P4HA1: variants seen among roughly 807,000 people sequenced by gnomAD.
P4HA1 encodes the protein prolyl 4-hydroxylase subunit alpha 1, also known as prolyl 4-hydroxylase subunit alpha-1.
A neutral mutation model predicts 72.8 loss-of-function variants in P4HA1; 24 were observed. The ratio of observed to expected loss-of-function variants is 0.33; its 90% CI spans 0.24 to 0.46. The LOEUF is 0.46. Ranked by LOEUF, P4HA1 falls within the 20% of genes least tolerant of loss-of-function variation. The pLI is 1.00. For missense variants in P4HA1, 446 were observed against 640.6 expected (o/e 0.70, Z 3.28); for synonymous variants, 201 against 218.8 (o/e 0.92, Z 0.72).
Position 73,008,132 on chromosome 10 carries a change from C to A in P4HA1, c.*90G>T. Reference sequence around the variant, plus strand: ...ACTGAATCAATCATGGAGTGTTAGTCAATTGTAAACTCCTGAAAGTTAAGA... The same window carrying A: ...ACTGAATCAATCATGGAGTGTTAGTAAATTGTAAACTCCTGAAAGTTAAGA... On this transcript the variant is annotated 3_prime_UTR_variant, in exon 15 of 15. Transcript: ENST00000394890. The A allele has an allele frequency of 2.7e-6, 2 of 745,560 alleles. No homozygotes were observed. Among genetic ancestry groups the A allele is most frequent in the East Asian group, 2.5e-5 (1 of 40,088 alleles). 46.2% of individuals were successfully genotyped at this position (745,560 alleles called of 1,614,324 possible). A position where few individuals can be genotyped will look rare whatever the true frequency, so the allele number is the denominator to read the frequency against.
intron 9 of P4HA1, among the ~76,000 whole-genome samples, chr10:73,040,765 C>A (rs1427812860): frequency 6.6e-6 from 1 of 152,114 alleles, no homozygotes; most frequent in Admixed American, 6.5e-5. Context: ...AGCCACCACT[C>A]CTGGCCGTAA....
chr10:73,009,704 A>G lies in P4HA1; in HGVS notation c.1534+103T>C, dbSNP rs190936458. The G allele has an allele frequency of 8.0e-4, 497 of 624,530 alleles. No individual in the cohort carries two copies. In the African/African-American group the frequency reaches 8.1e-3, roughly 10 times the overall value. 38.7% of individuals were successfully genotyped at this position (624,530 alleles called of 1,614,324 possible). ...CTGAATCCTGTACAATGTTAAAATC[A>G]TATTAAGCAAACATGGGGGCTTTTG... On this transcript the variant is annotated intron_variant, in intron 14 of 14. Transcript: ENST00000394890.
Position 73,010,952 on chromosome 10 carries a change from AAAAC to A in P4HA1, c.1437+13_1437+16del. 1 of 1,605,282 alleles carries A rather than the reference AAAAC, an allele frequency of 6.2e-7. No individual in the cohort carries two copies. Among genetic ancestry groups the A allele is most frequent in the South Asian group, 1.1e-5 (1 of 90,614 alleles). ...GGGAAAAAATTAATAAACCAAAAAC[AAAAC>A]AAACAGGCTTACTTTTTTGGGCCAA... On this transcript the variant is annotated intron_variant, in intron 13 of 14. Coordinates refer to ENST00000394890, the MANE Select transcript of P4HA1 (RefSeq NM_001017962.3).
At chr10:73,011,265 C>T (rs1839904503) in intron 12 of P4HA1, among the ~76,000 whole-genome samples, 1 of 152,118 alleles carries the variant, frequency 6.6e-6, no homozygotes, top group East Asian at 1.9e-4. Flanking sequence ...AAAAAACTAT[C>T]AGGATGGAAG....
intron 13 of P4HA1, among the ~76,000 whole-genome samples, chr10:73,010,157 G>A (rs759804965): frequency 3.2e-4 from 48 of 151,872 alleles, no homozygotes; most frequent in African/African-American, 1.1e-3. Flanking sequence ...TAGTAGAGAC[G>A]GGCTTTCACC....
rs943574921 is a variant in P4HA1 at position 73,043,847 on chromosome 10, G to T, written c.1148+1134C>A. 6 of 1,390,242 alleles carry T rather than the reference G, an allele frequency of 4.3e-6. No homozygotes were observed. The South Asian group carries it at 4.7e-5, about 11-fold the overall frequency. 86.1% of individuals were successfully genotyped at this position (1,390,242 alleles called of 1,614,324 possible). A position where few individuals can be genotyped will look rare whatever the true frequency, so the allele number is the denominator to read the frequency against. On this transcript the variant is annotated intron_variant, in intron 9 of 14. Transcript: ENST00000394890. ...AAAATTAGATTCCCAAGAAAGAAAT[G>T]GTCCAAATATGACTAAAGTTCTCTC... is the stretch of plus-strand genomic sequence containing the variant.
At chr10:73,038,917 T>C (rs1328123535) in intron 9 of P4HA1, among the ~76,000 whole-genome samples, 1 of 110,116 alleles carries the variant, frequency 9.1e-6, no homozygotes, top group Non-Finnish European at 1.7e-5. Context: ...TGAGCCACCG[T>C]GCCCGGCCTT....
rs1273219641 is a variant in P4HA1 at position 73,009,909 on chromosome 10, G to C, written c.1438-6C>G. The C allele has an allele frequency of 6.6e-7, 1 of 1,506,850 alleles. No homozygotes were observed. Among genetic ancestry groups the C allele is most frequent in the Non-Finnish European group, 9.2e-7 (1 of 1,083,036 alleles). The allele number at this position is 1,506,850 out of a possible 1,614,324, so 93.3% of individuals were successfully genotyped here. On this transcript the variant is annotated splice_region_variant and splice_polypyrimidine_tract_variant and intron_variant, in intron 13 of 14. Transcript: ENST00000394890. ...TACCAGAAAACAGCAGTTCCCTATG[G>C]AGAACAATTCACAATTATCCCCAAG... is the stretch of plus-strand genomic sequence containing the variant.
intron 12 of P4HA1, among the ~76,000 whole-genome samples, chr10:73,011,277 C>T (rs1199396473): frequency 6.6e-6 from 1 of 152,086 alleles, no homozygotes; most frequent in African/African-American, 2.4e-5. Flanking sequence ...GGATGGAAGA[C>T]TGGGGATATA....
chr10:73,037,018 T>C (rs1393046314), intron 9 of P4HA1, among the ~76,000 whole-genome samples: 1 of 152,108 alleles, frequency 6.6e-6, no homozygotes, highest in Non-Finnish European at 1.5e-5. Flanking sequence ...TTTAATGTTA[T>C]AGCATTTAAT....
chr10:73,051,680 A>C (rs933024585), intron 6 of P4HA1, among the ~76,000 whole-genome samples: 12 of 152,102 alleles, frequency 7.9e-5, no homozygotes, highest in African/African-American at 2.7e-4. Context: ...AATCACTTGA[A>C]CCCGGGAGGC....
intron 5 of P4HA1, among the ~76,000 whole-genome samples, chr10:73,055,332 G>A (rs1220161034): frequency 5.3e-5 from 8 of 152,250 alleles, no homozygotes; most frequent in Admixed American, 5.2e-4. Flanking sequence ...AGCCTCCCAC[G>A]TAGCTGGGAT....
intron 5 of P4HA1, among the ~76,000 whole-genome samples, chr10:73,068,041 T>A (rs1443215060): frequency 6.6e-6 from 1 of 152,210 alleles, no homozygotes; most frequent in Non-Finnish European, 1.5e-5. Context: ...TAGTAGAAAC[T>A]GAAAATTTGC....
chr10:73,050,009 C>T (rs1301280265), intron 7 of P4HA1, among the ~76,000 whole-genome samples: 1 of 151,888 alleles, frequency 6.6e-6, no homozygotes, highest in Non-Finnish European at 1.5e-5. Context: ...ACTAAAAATA[C>T]AAAAAAGTTA....
chr10:73,027,070 C>G (rs1004737263), intron 10 of P4HA1, among the ~76,000 whole-genome samples: 1 of 152,174 alleles, frequency 6.6e-6, no homozygotes, highest in Non-Finnish European at 1.5e-5. Context: ...AGTAGAAATA[C>G]CATTTGACCC....
intron 10 of P4HA1, among the ~76,000 whole-genome samples, chr10:73,023,351 T>G (rs957768548): frequency 1.3e-5 from 2 of 151,858 alleles, no homozygotes; most frequent in African/African-American, 4.8e-5. Context: ...TCAACATTCT[T>G]AAAAAAAAGA....
chr10:73,037,569 ATATT>A (rs1253578519), intron 9 of P4HA1, among the ~76,000 whole-genome samples: 13 of 26,720 alleles, frequency 4.9e-4, no homozygotes, highest in East Asian at 1.7e-3. Flanking sequence ...ATATATATAT[ATATT>A]TTTTTTTTTT....
chr10:73,011,092 G>T, intron 12 of P4HA1, 55 bp from the exon 13 acceptor site: 2 of 1,299,024 alleles, frequency 1.5e-6, no homozygotes, highest in Non-Finnish European at 1.1e-6. Flanking sequence ...AGTAAAACAT[G>T]CCATTATATA....
At chr10:73,095,522 TAAAA>T (rs3065972) in intron 1 of P4HA1, among the ~76,000 whole-genome samples, 2 of 133,508 alleles carry the variant, frequency 1.5e-5, no homozygotes, top group Non-Finnish European at 3.3e-5. Context: ...ACCAGAACTT[TAAAA>T]AAAAAAAAAA....
Sources: allele counts gnomAD v4.1 joint callset (sites outside exome capture counted in the v4.1 genomes callset), GRCh38; gene constraint gnomAD v4.1.1; transcripts MANE v1.5; gene names NCBI Gene and HGNC (gene_info 2026-07-23, HGNC 2026-07-21).